Variants in SPECC1L observed in about 807,000 individuals in gnomAD.
SPECC1L encodes the protein cytospin-A.
In SPECC1L, 40 loss-of-function variants were observed where a neutral mutation model predicts 116.8. That is an observed-to-expected ratio of 0.34 (90% confidence interval 0.27 to 0.45). SPECC1L has a LOEUF of 0.45. Ranked by LOEUF, SPECC1L falls within the 20% of genes least tolerant of loss-of-function variation. The pLI, the probability that SPECC1L is intolerant of heterozygous loss-of-function variation, is 1.00. For missense variants in SPECC1L, 1,110 were observed against 1,373.6 expected (o/e 0.81, Z 3.03); for synonymous variants, 504 against 500.6 (o/e 1.01, Z -0.09).
At chr22:24,297,533 A>C (rs2049291367) in intron 2 of SPECC1L, among the ~76,000 whole-genome samples, 1 of 152,156 alleles carries the variant, frequency 6.6e-6, no homozygotes, top group African/African-American at 2.4e-5. Flanking sequence ...ACTATATTTA[A>C]CCAATATATA....
At chr22:24,342,687 AAAAG>A (rs2041202795) in intron 10 of SPECC1L, among the ~76,000 whole-genome samples, 1 of 151,826 alleles carries the variant, frequency 6.6e-6, no homozygotes, top group East Asian at 1.9e-4. Context: ...AAAAAAAAAA[AAAAG>A]AAATAGAGGA....
intron 11 of SPECC1L, among the ~76,000 whole-genome samples, chr22:24,351,312 A>G (rs901200859): frequency 1.3e-5 from 2 of 152,226 alleles, no homozygotes; most frequent in African/African-American, 2.4e-5. Flanking sequence ...TTGGAATATT[A>G]TTGGGCAAAG....
chr22:24,383,920 T>C (rs2042113178), intron 14 of SPECC1L, among the ~76,000 whole-genome samples: 1 of 149,048 alleles, frequency 6.7e-6, no homozygotes, highest in South Asian at 2.2e-4. Context: ...CCCAAAGTGC[T>C]GGGATTACAG....
chr22:24,362,098 A>G (rs2041656699), intron 11 of SPECC1L, among the ~76,000 whole-genome samples: 1 of 152,168 alleles, frequency 6.6e-6, no homozygotes, highest in African/African-American at 2.4e-5. Flanking sequence ...GCCCAGTCAC[A>G]CACCAGCCCG....
chr22:24,363,324 A>C lies in SPECC1L; in HGVS notation c.2807A>C (p.Glu936Ala). Residue 936 changes from glutamate (E) to alanine (A), a missense_variant, in exon 12 of 17, where the codon GAA becomes GCA. Transcript: ENST00000314328. ...PASLPRVPAM[E>A]SAKTLSVSRR... Reference sequence around the variant, plus strand: ...TCCCTGCCAAGAGTGCCTGCGATGGAAAGTGCCAAGACCCTCTCAGGTGAT... The same window carrying C: ...TCCCTGCCAAGAGTGCCTGCGATGGCAAGTGCCAAGACCCTCTCAGGTGAT... The C allele has an allele frequency of 6.2e-7, 1 of 1,614,122 alleles. No individual in the cohort carries two copies. The highest frequency in any genetic ancestry group is 1.1e-5 in the South Asian group (1 of 91,074).
In SPECC1L at chr22:24,365,650, T is replaced by G. The variant is rs200913262; in HGVS notation, c.2984+18T>G. 27 of 1,613,650 alleles carry G rather than the reference T, an allele frequency of 1.7e-5. No individual in the cohort carries two copies. The highest frequency in any genetic ancestry group is 1.6e-4 in the Middle Eastern group (1 of 6,084). ...CGAATAAGGTAGAGAACAGTTAATA[T>G]TCATGCATTTCGTGTGTACCTTTCC... On this transcript the variant is annotated intron_variant, in intron 13 of 16. Coordinates refer to ENST00000314328, the MANE Select transcript of SPECC1L (RefSeq NM_015330.6).
At chr22:24,333,730 AC>A (rs1398295886) in intron 8 of SPECC1L, among the ~76,000 whole-genome samples, 15 of 152,050 alleles carry the variant, frequency 9.9e-5, no homozygotes, top group African/African-American at 3.6e-4. Context: ...GTACTGGTGA[AC>A]CTCCAGACTC....
At chr22:24,293,598 A>G (rs1167402642) in intron 2 of SPECC1L, among the ~76,000 whole-genome samples, 1 of 152,024 alleles carries the variant, frequency 6.6e-6, no homozygotes, top group Non-Finnish European at 1.5e-5. Flanking sequence ...TTCTTAGATT[A>G]AGGTAGGAGC....
intron 14 of SPECC1L, 83 bp from the exon 15 acceptor site, chr22:24,411,505 C>A: frequency 7.9e-7 from 1 of 1,259,086 alleles, no homozygotes; most frequent in Non-Finnish European, 1.2e-6. Flanking sequence ...CATGCAGCAT[C>A]TGAGGCCTCC....
intron 2 of SPECC1L, among the ~76,000 whole-genome samples, chr22:24,280,728 C>T (rs573021590): frequency 4.7e-4 from 72 of 151,996 alleles, no homozygotes; most frequent in Non-Finnish European, 8.5e-4. Context: ...TAGGCATTTG[C>T]CACCGCCCCC....
intron 2 of SPECC1L, among the ~76,000 whole-genome samples, chr22:24,286,140 A>G (rs975344127): frequency 2.4e-4 from 36 of 152,204 alleles, no homozygotes; most frequent in African/African-American, 8.4e-4. Flanking sequence ...ATAGTTTCGA[A>G]GGCTTAGATT....
intron 14 of SPECC1L, among the ~76,000 whole-genome samples, chr22:24,372,798 T>G (rs555397086): frequency 2.2e-4 from 33 of 151,982 alleles, no homozygotes; most frequent in Non-Finnish European, 4.0e-4. Context: ...GAGAAAGAAA[T>G]AAAGAGTATT....
intron 4 of SPECC1L, among the ~76,000 whole-genome samples, chr22:24,317,923 G>A (rs949617546): frequency 6.6e-6 from 1 of 151,794 alleles, no homozygotes; most frequent in Admixed American, 6.6e-5. Flanking sequence ...CTCAGATGAT[G>A]GGCGGCCGGG....
At chr22:24,410,164 G>GT (rs1318571820) in intron 14 of SPECC1L, among the ~76,000 whole-genome samples, 1 of 152,242 alleles carries the variant, frequency 6.6e-6, no homozygotes, top group Non-Finnish European at 1.5e-5. Context: ...TGGTTTGTGT[G>GT]TTTTTTCGGA....
At chr22:24,365,744 T>C in intron 13 of SPECC1L, 112 bp downstream of exon 13, 1 of 1,268,654 alleles carries the variant, frequency 7.9e-7, no homozygotes. Context: ...TTTCTTTTTC[T>C]GTGTGTTGTT....
intron 14 of SPECC1L, among the ~76,000 whole-genome samples, chr22:24,397,284 G>A (rs1032065806): frequency 2.0e-5 from 3 of 152,160 alleles, no homozygotes; most frequent in African/African-American, 4.8e-5. Flanking sequence ...CGTAAGGTGA[G>A]CACACTATAT....
At chr22:24,374,513 A>G (rs966399575) in intron 14 of SPECC1L, among the ~76,000 whole-genome samples, 5 of 151,402 alleles carry the variant, frequency 3.3e-5, no homozygotes, top group African/African-American at 4.8e-5. Flanking sequence ...TCAGCAAACT[A>G]TCGCAAGGAC....
At chr22:24,392,025 C>T (rs574533847) in intron 14 of SPECC1L, among the ~76,000 whole-genome samples, 1 of 152,304 alleles carries the variant, frequency 6.6e-6, no homozygotes, top group East Asian at 1.9e-4. Flanking sequence ...AGACTTGAGA[C>T]AGCCCCTAGA....
chr22:24,314,544 G>A (rs2040523846), intron 4 of SPECC1L, among the ~76,000 whole-genome samples: 1 of 152,112 alleles, frequency 6.6e-6, no homozygotes, highest in Admixed American at 6.5e-5. Context: ...ATTGGCTGAT[G>A]TGTCTCTTAA....
Sources: gnomAD v4.1 joint callset for allele counts (sites outside exome capture counted in the v4.1 genomes callset) on GRCh38, gnomAD v4.1.1 for gene constraint, MANE v1.5 for transcripts, NCBI Gene and HGNC (gene_info 2026-07-23, HGNC 2026-07-21) for gene names.